COL4A4: variants seen among roughly 807,000 people sequenced by gnomAD.
The protein encoded by COL4A4 is collagen alpha-4(IV) chain.
COL4A4 carries 105 observed loss-of-function variants against 192.9 expected under a neutral mutation model. That is an observed-to-expected ratio of 0.54 (90% CI 0.46 to 0.64). The LOEUF (loss-of-function observed/expected upper bound fraction) is 0.64, where lower values mean the gene tolerates loss of function less well. Ranked by LOEUF, COL4A4 falls within the 30% of genes least tolerant of loss-of-function variation. The pLI, the probability that COL4A4 is intolerant of heterozygous loss-of-function variation, is 0.00. For synonymous variants in COL4A4, 762 were observed against 769.9 expected (o/e 0.99, Z 0.17); for missense variants, 1,967 against 2,169.3 (o/e 0.91, Z 1.85).
rs1434719245 is a variant in COL4A4 at position 227,003,833 on chromosome 2, AAAAC to A, written c.*3488_*3491del. On this transcript the variant is annotated 3_prime_UTR_variant, in exon 48 of 48. Transcript: ENST00000396625. ...ATTTCTGAAATTTCTGTTTATAGAAAAAACAAAAATCTATTTTTGGAGGGGTGTG... is the reference window on the plus strand; with the variant it reads ...ATTTCTGAAATTTCTGTTTATAGAAAAAAAATCTATTTTTGGAGGGGTGTG... 6.6e-6 allele frequency: 1 copy of A among 152,252 alleles called. No homozygotes were observed. Among genetic ancestry groups the A allele is most frequent in the African/African-American group, 2.4e-5 (1 of 41,466 alleles). 9.4% of individuals were successfully genotyped at this position (152,252 alleles called of 1,614,324 possible). A position where few individuals can be genotyped will look rare whatever the true frequency, so the allele number is the denominator to read the frequency against.
Position 227,008,066 on chromosome 2 carries a change from TGGG to T in COL4A4, c.4758_4760del (p.Pro1587del), listed in dbSNP as rs1206142672. The stretch of plus-strand genomic sequence containing the variant: ...AGAGGCTCCTCCAGGTCTGCGGACA[TGGG>T]GGGATGGACTGGTCCTGGCTGTGCA... On this transcript the variant is annotated inframe_deletion, in exon 47 of 48. Transcript: ENST00000396625. 2 of 1,613,904 alleles carry T rather than the reference TGGG, an allele frequency of 1.2e-6. No homozygotes were observed. The highest frequency in any genetic ancestry group is 1.1e-5 in the South Asian group (1 of 91,082).
rs555309116 is a variant in COL4A4 at position 227,147,209 on chromosome 2, G to A, written c.71+204C>T. ...TTCCTTGTGCAACTTCCCATTTGGTGATTTTGTGGATGCATTTCAGGGAAA... is the reference window on the plus strand; with the variant it reads ...TTCCTTGTGCAACTTCCCATTTGGTAATTTTGTGGATGCATTTCAGGGAAA... On this transcript the variant is annotated intron_variant, in intron 2 of 47. Coordinates refer to ENST00000396625, the MANE Select transcript of COL4A4 (RefSeq NM_000092.5). 6.8e-4 allele frequency: 470 copies of A among 693,196 alleles called. 6 individuals carry two copies. Among genetic ancestry groups the A allele is most frequent in the South Asian group, 6.3e-3 (461 of 73,080 alleles). The allele number at this position is 693,196 out of a possible 1,614,324, so 42.9% of individuals were successfully genotyped here.
At chr2:227,157,316 T>C (rs962797484) in intron 1 of COL4A4, among the ~76,000 whole-genome samples, 2 of 152,070 alleles carry the variant, frequency 1.3e-5, no homozygotes, top group Non-Finnish European at 2.9e-5. Context: ...AAAAGGATCT[T>C]CTAGGTATAA....
At chr2:227,122,794 GAAGA>G in intron 4 of COL4A4, among the ~76,000 whole-genome samples, 1 of 152,304 alleles carries the variant, frequency 6.6e-6, no homozygotes, top group African/African-American at 2.4e-5. Flanking sequence ...ACCTTGACGA[GAAGA>G]AACAGTAACT....
intron 41 of COL4A4, among the ~76,000 whole-genome samples, chr2:227,030,012 A>G (rs1394372644): frequency 6.6e-6 from 1 of 152,198 alleles, no homozygotes; most frequent in Non-Finnish European, 1.5e-5. Context: ...TATTTGCAAA[A>G]GGAATTAGGT....
chr2:227,149,995 T>A (rs1458224120), intron 1 of COL4A4, among the ~76,000 whole-genome samples: 1 of 152,238 alleles, frequency 6.6e-6, no homozygotes, highest in Non-Finnish European at 1.5e-5. Flanking sequence ...GGTTACCATA[T>A]AATCTCTATG....
chr2:227,102,432 T>C (rs894339936), intron 15 of COL4A4, among the ~76,000 whole-genome samples: 1 of 152,226 alleles, frequency 6.6e-6, no homozygotes, highest in African/African-American at 2.4e-5. Context: ...TGGAGCTTAA[T>C]ATTGTACTTT....
At chr2:227,036,966 T>A (rs543321041) in intron 37 of COL4A4, among the ~76,000 whole-genome samples, 1 of 152,214 alleles carries the variant, frequency 6.6e-6, no homozygotes, top group Non-Finnish European at 1.5e-5. Context: ...GTTCTTGTCA[T>A]GCTACAGGTA....
chr2:227,053,696 C>T (rs981008275), intron 31 of COL4A4, among the ~76,000 whole-genome samples: 2 of 151,704 alleles, frequency 1.3e-5, no homozygotes, highest in East Asian at 3.9e-4. Flanking sequence ...TACAGGTGCC[C>T]ACCACCACAC....
intron 22 of COL4A4, among the ~76,000 whole-genome samples, chr2:227,084,084 C>T (rs1479157546): frequency 6.6e-6 from 1 of 152,126 alleles, no homozygotes; most frequent in Non-Finnish European, 1.5e-5. Flanking sequence ...GTGGGTAGAA[C>T]AAATTTCTTA....
At chr2:226,983,386 G>A in the COL4A4 span, among the ~76,000 whole-genome samples, 4 of 152,136 alleles carry the variant, frequency 2.6e-5, no homozygotes, top group East Asian at 7.7e-4. Flanking sequence ...GGGACCTGGG[G>A]CCAGTTATGT....
intron 9 of COL4A4, 63 bp from the exon 10 acceptor site, chr2:227,109,349 G>T: frequency 7.6e-7 from 1 of 1,309,262 alleles, no homozygotes; most frequent in Non-Finnish European, 1.1e-6. Context: ...CACAGAAAGA[G>T]TTGCGTGTGA....
chr2:227,144,243 C>G (rs996263682), intron 3 of COL4A4, among the ~76,000 whole-genome samples: 8 of 152,134 alleles, frequency 5.3e-5, no homozygotes, highest in Non-Finnish European at 8.8e-5. Context: ...CTTGAAATGG[C>G]CCAGCTGCCT....
chr2:227,090,043 A>G (rs2059829838), intron 20 of COL4A4, 86 bp from the exon 21 acceptor site: 1 of 1,013,076 alleles, frequency 9.9e-7, no homozygotes, highest in Non-Finnish European at 1.5e-6. Context: ...TTGCACTCAC[A>G]TCCTCCCCCA....
chr2:227,102,685 C>T, intron 15 of COL4A4, 104 bp downstream of exon 15: 1 of 930,894 alleles, frequency 1.1e-6, no homozygotes, highest in Non-Finnish European at 1.8e-6. Context: ...CTTACATGAG[C>T]TATTCTTCAC....
chr2:227,051,289 C>T (rs557669724), intron 32 of COL4A4, 131 bp from the exon 33 acceptor site: 56 of 916,520 alleles, frequency 6.1e-5, no homozygotes, highest in South Asian at 6.0e-4. Flanking sequence ...TGTCCCAAGC[C>T]GCTTCCTGAT....
In COL4A4 at chr2:227,020,880, C is replaced by CTTTTTTTTTTTT. The variant is rs57119611; in HGVS notation, c.4216+1156_4216+1167dup. On this transcript the variant is annotated intron_variant, in intron 44 of 47. Coordinates refer to ENST00000396625, the MANE Select transcript of COL4A4 (RefSeq NM_000092.5). The stretch of plus-strand genomic sequence containing the variant: ...CAAACCATTCGGAGAACACTTTTTT[C>CTTTTTTTTTTTT]TTTTTTTTTTTTTTTTGAGATGGAG... Among the ~76,000 whole-genome samples the CTTTTTTTTTTTT allele has an allele frequency of 8.7e-4, 111 of 127,570 alleles. 13 individuals carry two copies. The highest frequency in any genetic ancestry group is 1.8e-3 in the African/African-American group (56 of 31,612). 83.7% of individuals were successfully genotyped at this position (127,570 alleles called of 152,430 possible). A position where few individuals can be genotyped will look rare whatever the true frequency, so the allele number is the denominator to read the frequency against.
chr2:226,978,512 G>T, the COL4A4 span, among the ~76,000 whole-genome samples: 1 of 152,118 alleles, frequency 6.6e-6, no homozygotes, highest in African/African-American at 2.4e-5. Flanking sequence ...CCTACGTCGA[G>T]CCTCAGTCTT....
intron 4 of COL4A4, among the ~76,000 whole-genome samples, chr2:227,139,081 C>T (rs1395837023): frequency 2.0e-5 from 3 of 152,076 alleles, no homozygotes; most frequent in African/African-American, 7.2e-5. Context: ...TGGATGAATG[C>T]CCATATAAAT....
Sources: allele counts gnomAD v4.1 joint callset (sites outside exome capture counted in the v4.1 genomes callset), GRCh38; gene constraint gnomAD v4.1.1; transcripts MANE v1.5; gene names NCBI Gene and HGNC (gene_info 2026-07-23, HGNC 2026-07-21).